Variants in LZTS1 observed in about 807,000 individuals in gnomAD.
LZTS1 encodes leucine zipper tumor suppressor 1, also known as leucine zipper putative tumor suppressor 1.
In LZTS1, 31 loss-of-function variants were observed where a neutral mutation model predicts 45.8. The ratio of observed to expected loss-of-function variants is 0.68; its 90% CI spans 0.51 to 0.91. The LOEUF (loss-of-function observed/expected upper bound fraction) is 0.91, where lower values mean the gene tolerates loss of function less well. Ranked by LOEUF, LZTS1 falls within the 40% of genes least tolerant of loss-of-function variation. The probability of loss-of-function intolerance (pLI) is 0.00; values close to 1 mark genes in which losing one functional copy is unlikely to be tolerated. For missense variants in LZTS1, 821 were observed against 788.9 expected, an observed-to-expected ratio of 1.04 and a Z score of -0.49; for synonymous variants, 359 against 357.3, an observed-to-expected ratio of 1.00 and a Z score of -0.05.
chr8:20,263,306 C>T (rs1389153860), intron 1 of LZTS1, among the ~76,000 whole-genome samples: 2 of 151,938 alleles, frequency 1.3e-5, no homozygotes, highest in Non-Finnish European at 2.9e-5. Context: ...CAGTTTCCAA[C>T]CACAACACGA....
chr8:20,282,435 G>A (rs1317344335), intron 1 of LZTS1, among the ~76,000 whole-genome samples: 1 of 152,232 alleles, frequency 6.6e-6, no homozygotes, highest in Non-Finnish European at 1.5e-5. Flanking sequence ...GGGGGCAGTT[G>A]CTACTGAGCA....
intron 1 of LZTS1, among the ~76,000 whole-genome samples, chr8:20,279,165 T>C (rs2128896990): frequency 6.6e-6 from 1 of 152,362 alleles, no homozygotes; most frequent in South Asian, 2.1e-4. Flanking sequence ...CTATGTTTTC[T>C]TTGCTGCCTT....
chr8:20,254,783 T>G, intron 2 of LZTS1, 54 bp downstream of exon 2: 2 of 1,442,946 alleles, frequency 1.4e-6, no homozygotes, highest in Non-Finnish European at 1.9e-6. Flanking sequence ...CACCCCCATT[T>G]TGCTTTCTCC....
intron 1 of LZTS1, among the ~76,000 whole-genome samples, chr8:20,257,687 T>G (rs1464959256): frequency 7.5e-6 from 1 of 132,900 alleles, no homozygotes; most frequent in African/African-American, 2.8e-5. Flanking sequence ...TTTTTTTTTT[T>G]GAGATAGAGT....
At chr8:20,283,364 T>C (rs776272517) in intron 1 of LZTS1, among the ~76,000 whole-genome samples, 1 of 152,082 alleles carries the variant, frequency 6.6e-6, no homozygotes, top group African/African-American at 2.4e-5. Context: ...TCTGAAGACA[T>C]AGCAAGAAGG....
rs773984172 is a variant in LZTS1 at position 20,250,148 on chromosome 8, C to T, written c.1365G>A (p.Gln455=). The change falls in exon 4 of 4, where the codon CAG becomes CAA. Residue 455 remains glutamine, a synonymous_variant. Coordinates refer to ENST00000381569, the MANE Select transcript of LZTS1 (RefSeq NM_021020.5). ...GCAGCTCCGCCTCGTTCTTCTTGCG[C>T]TGCAGCTCATTCTCACAGACCTCCA... ...LELEVCENEL[Q]RKKNEAELLR... is the part of the protein sequence containing the mutation. 1 of 1,609,068 alleles carries T rather than the reference C, an allele frequency of 6.2e-7. No individual in the cohort carries two copies. Among genetic ancestry groups the T allele is most frequent in the Non-Finnish European group, 8.5e-7 (1 of 1,179,316 alleles).
At chr8:20,282,914 T>A (rs1359718986) in intron 1 of LZTS1, among the ~76,000 whole-genome samples, 2 of 152,204 alleles carry the variant, frequency 1.3e-5, no homozygotes, top group African/African-American at 4.8e-5. Flanking sequence ...TAGATACTCA[T>A]ACATGTTGGT....
Position 20,253,298 on chromosome 8 carries a change from G to A in LZTS1, c.633C>T (p.His211=), listed in dbSNP as rs755849215. ...GGAGGACGATGCCCTGGGTGATGTTGTGGGCGGAGCCCCCAAAACGGCTTG... is the reference window on the plus strand; with the variant it reads ...GGAGGACGATGCCCTGGGTGATGTTATGGGCGGAGCCCCCAAAACGGCTTG... ...GPTSRFGGSA[H]NITQGIVLQD... The change falls in exon 3 of 4, where the codon CAC becomes CAT. Residue 211 remains histidine, a synonymous_variant. Transcript: ENST00000381569. 1.9e-6 allele frequency: 3 copies of A among 1,613,980 alleles called. No individual in the cohort carries two copies. Among genetic ancestry groups the A allele is most frequent in the African/African-American group, 2.7e-5 (2 of 74,962 alleles).
Position 20,248,322 on chromosome 8 carries a change from A to C in LZTS1, c.*1400T>G, listed in dbSNP as rs1178620819. ...GGGACAGAGCAAGACCCTGTCTCAT[A>C]AAATTAAAAATAAAATCCCTGAACC... On this transcript the variant is annotated 3_prime_UTR_variant, in exon 4 of 4. Transcript: ENST00000381569. 1 of 152,330 alleles carries C rather than the reference A, an allele frequency of 6.6e-6. No homozygotes were observed. Among genetic ancestry groups the C allele is most frequent in the East Asian group, 1.9e-4 (1 of 5,174 alleles). 9.4% of individuals were successfully genotyped at this position (152,330 alleles called of 1,614,324 possible).
chr8:20,258,798 C>T lies in LZTS1; in HGVS notation c.-134-3483G>A, dbSNP rs183670772. Among the ~76,000 whole-genome samples the T allele has an allele frequency of 4.6e-5, 7 of 152,346 alleles. No homozygotes were observed. The East Asian group carries it at 1.2e-3, about 25-fold the overall frequency. On this transcript the variant is annotated intron_variant, in intron 1 of 3. Transcript: ENST00000381569. ...GACCATTGTCCTTGCCAACATCCATCATCCCTATGGATCTGGGGAGCCTCA... is the reference window on the plus strand; with the variant it reads ...GACCATTGTCCTTGCCAACATCCATTATCCCTATGGATCTGGGGAGCCTCA...
chr8:20,274,803 C>T (rs959994669), intron 1 of LZTS1, among the ~76,000 whole-genome samples: 8 of 152,122 alleles, frequency 5.3e-5, no homozygotes, highest in Non-Finnish European at 8.8e-5. Context: ...CCTCGTAAAG[C>T]GGGATGCATT....
At chr8:20,273,964 T>A (rs979692601) in intron 1 of LZTS1, among the ~76,000 whole-genome samples, 1 of 151,672 alleles carries the variant, frequency 6.6e-6, no homozygotes, top group African/African-American at 2.4e-5. Flanking sequence ...GAGACTGGAG[T>A]TTGTAAATCT....
chr8:20,283,003 CCA>C (rs1800723177), intron 1 of LZTS1, among the ~76,000 whole-genome samples: 1 of 152,116 alleles, frequency 6.6e-6, no homozygotes, highest in Non-Finnish European at 1.5e-5. Flanking sequence ...TCCTCATGCA[CCA>C]TGGAGCATCC....
At chr8:20,296,334 C>G (rs1370106774) in intron 1 of LZTS1, among the ~76,000 whole-genome samples, 1 of 152,218 alleles carries the variant, frequency 6.6e-6, no homozygotes, top group African/African-American at 2.4e-5. Flanking sequence ...CCCATCTCAC[C>G]TCCACTTTCA....
At chr8:20,302,162 C>A (rs192052453) in intron 1 of LZTS1, among the ~76,000 whole-genome samples, 1 of 152,170 alleles carries the variant, frequency 6.6e-6, no homozygotes, top group East Asian at 1.9e-4. Flanking sequence ...GAGCCCACCG[C>A]ACCAACCTGG....
At chr8:20,277,287 A>G (rs1800603583) in intron 1 of LZTS1, among the ~76,000 whole-genome samples, 1 of 152,212 alleles carries the variant, frequency 6.6e-6, no homozygotes, top group South Asian at 2.1e-4. Flanking sequence ...ATTACCGTAT[A>G]TGGTCTAAAA....
chr8:20,271,581 C>T (rs1006188838), intron 1 of LZTS1, among the ~76,000 whole-genome samples: 7 of 152,150 alleles, frequency 4.6e-5, no homozygotes, highest in Non-Finnish European at 1.0e-4. Context: ...CCCTTCTGGC[C>T]CCGGTGACGC....
chr8:20,275,404 CA>C (rs55847914), intron 1 of LZTS1, among the ~76,000 whole-genome samples: 41,836 of 113,392 alleles, frequency 0.37, 7,145 homozygotes, highest in East Asian at 0.46. Context: ...GACTTCATCT[CA>C]AAAAAAAAAA....
chr8:20,261,247 G>A (rs1378440356), intron 1 of LZTS1, among the ~76,000 whole-genome samples: 6 of 152,184 alleles, frequency 3.9e-5, no homozygotes, highest in African/African-American at 1.2e-4. Flanking sequence ...GGCATGCTAC[G>A]TGAGCTCCTA....
Sources: gnomAD v4.1 joint callset for allele counts (sites outside exome capture counted in the v4.1 genomes callset) on GRCh38, gnomAD v4.1.1 for gene constraint, MANE v1.5 for transcripts, NCBI Gene and HGNC (gene_info 2026-07-23, HGNC 2026-07-21) for gene names.